The following NTRK3 variants were observed in gnomAD, a reference collection of about 807,000 sequenced individuals.
The protein encoded by NTRK3 is neurotrophic receptor tyrosine kinase 3.
Under a neutral mutation model 91.7 loss-of-function variants are expected in NTRK3, and 24 were observed. The observed-to-expected ratio is 0.26, with a 90% CI of 0.19 to 0.37. The LOEUF is 0.37. NTRK3 is among the 10% of genes least tolerant of loss of function. NTRK3 has a pLI of 1.00. For missense variants in NTRK3, 880 were observed against 1,068.9 expected (o/e 0.82, Z 2.46); for synonymous variants, 483 against 404.0 (o/e 1.20, Z -2.34).
intron 14 of NTRK3, among the ~76,000 whole-genome samples, chr15:88,015,883 G>A (rs983091753): frequency 1.3e-5 from 2 of 151,898 alleles, no homozygotes; most frequent in Non-Finnish European, 2.9e-5. Flanking sequence ...GCTCTACAGC[G>A]GCTCCAATGT....
At chr15:88,200,012 A>G (rs556273878) in intron 3 of NTRK3, among the ~76,000 whole-genome samples, 2 of 152,308 alleles carry the variant, frequency 1.3e-5, no homozygotes, top group South Asian at 2.1e-4. Context: ...TCCAACCCCA[A>G]TCAGCTCTCT....
chr15:88,194,694 T>G (rs1372442419), intron 3 of NTRK3, among the ~76,000 whole-genome samples: 2 of 152,220 alleles, frequency 1.3e-5, no homozygotes, highest in African/African-American at 4.8e-5. Context: ...AATTTAATCA[T>G]GCCCTCCACC....
At chr15:88,158,050 C>T (rs1020154694) in intron 5 of NTRK3, among the ~76,000 whole-genome samples, 2 of 152,188 alleles carry the variant, frequency 1.3e-5, no homozygotes, top group East Asian at 1.9e-4. Context: ...TGCCTCCATG[C>T]CCTGTGACTC....
intron 3 of NTRK3, among the ~76,000 whole-genome samples, chr15:88,249,919 G>A (rs999549931): frequency 2.0e-5 from 3 of 152,094 alleles, no homozygotes; most frequent in African/African-American, 4.8e-5. Context: ...ACACTCAGCC[G>A]CCCTTTGCAA....
At chr15:88,135,535 C>A in intron 9 of NTRK3, 138 bp from the exon 10 acceptor site, 1 of 986,842 alleles carries the variant, frequency 1.0e-6, no homozygotes, top group South Asian at 1.4e-5. Flanking sequence ...AGTCCCACCA[C>A]AATCCCAGCA....
chr15:87,906,652 T>A (rs1327823071), intron 17 of NTRK3, among the ~76,000 whole-genome samples: 1 of 152,198 alleles, frequency 6.6e-6, no homozygotes, highest in Admixed American at 6.5e-5. Context: ...TTTAGCTGAG[T>A]CATGAAAGCC....
intron 14 of NTRK3, among the ~76,000 whole-genome samples, chr15:87,959,292 A>C (rs1057384103): frequency 6.6e-6 from 1 of 152,016 alleles, no homozygotes; most frequent in Non-Finnish European, 1.5e-5. Context: ...TGTACCCAGC[A>C]CCTCCGCCAC....
chr15:88,123,509 A>G (rs1597442399), intron 13 of NTRK3, among the ~76,000 whole-genome samples: 1 of 152,264 alleles, frequency 6.6e-6, no homozygotes, highest in Non-Finnish European at 1.5e-5. Context: ...GTCAAAGAAA[A>G]GAGTCAAACT....
intron 17 of NTRK3, among the ~76,000 whole-genome samples, chr15:87,889,061 T>C (rs2065709522): frequency 6.6e-6 from 1 of 152,256 alleles, no homozygotes; most frequent in South Asian, 2.1e-4. Context: ...CTTAGCATCC[T>C]CCAGTGGGGT....
chr15:87,934,295 C>T (rs1282073745), intron 15 of NTRK3, among the ~76,000 whole-genome samples: 1 of 152,202 alleles, frequency 6.6e-6, no homozygotes, highest in Non-Finnish European at 1.5e-5. Flanking sequence ...TCAACTGACA[C>T]ACTTTAGCAA....
chr15:88,255,465 C>A lies in NTRK3; in HGVS notation c.248+441G>T, dbSNP rs1363272099. On this transcript the variant is annotated intron_variant, in intron 3 of 18. Transcript: ENST00000394480. This position sits in a 1 kb window ranked among gnomAD's most constrained non-coding sequence, Gnocchi z 4.3. Reference sequence around the variant, plus strand: ...AGTCCCTATCTGTCACCTTCCCTGCCGGCTAAGCGCTGCCGCCGCTGCCAC... The same window carrying A: ...AGTCCCTATCTGTCACCTTCCCTGCAGGCTAAGCGCTGCCGCCGCTGCCAC... Among the ~76,000 whole-genome samples the A allele has an allele frequency of 1.3e-5, 2 of 152,208 alleles. No homozygotes were observed. The highest frequency in any genetic ancestry group is 2.9e-5 in the Non-Finnish European group (2 of 68,028).
At chr15:88,183,207 T>C (rs1597815572) in intron 5 of NTRK3, among the ~76,000 whole-genome samples, 1 of 152,242 alleles carries the variant, frequency 6.6e-6, no homozygotes, top group East Asian at 1.9e-4. Context: ...CAGCCCCTGG[T>C]CCTAGATTTT....
chr15:88,183,649 G>A lies in NTRK3; in HGVS notation c.324-160C>T, dbSNP rs569581543. On this transcript the variant is annotated intron_variant, in intron 4 of 18. Coordinates refer to ENST00000394480, the Ensembl canonical transcript of NTRK3. The stretch of plus-strand genomic sequence containing the variant: ...CAGTTATCACAGGTGGCCTGCTGGG[G>A]TTGCTCAGTGGAGGCACCTGGGCTC... 1.4e-4 allele frequency among the ~76,000 whole-genome samples: 22 copies of A among 152,334 alleles called. No individual in the cohort carries two copies. In the South Asian group the frequency reaches 1.5e-3, roughly 10 times the overall value.
At chr15:87,898,845 A>AT (rs10646293) in intron 17 of NTRK3, among the ~76,000 whole-genome samples, 1 of 149,996 alleles carries the variant, frequency 6.7e-6, no homozygotes, top group African/African-American at 2.5e-5. Flanking sequence ...AAAAAAAAAA[A>AT]TACAAAAATT....
At chr15:87,909,564 G>T (rs2066965355) in intron 17 of NTRK3, among the ~76,000 whole-genome samples, 1 of 152,208 alleles carries the variant, frequency 6.6e-6, no homozygotes, top group Admixed American at 6.5e-5. Flanking sequence ...CAGAAAGAAA[G>T]AAGACGGAGA....
At chr15:88,154,159 C>A (rs1376661816) in intron 5 of NTRK3, among the ~76,000 whole-genome samples, 2 of 151,282 alleles carry the variant, frequency 1.3e-5, no homozygotes, top group Non-Finnish European at 2.9e-5. Flanking sequence ...AAACTAGCAG[C>A]CTACTGCCCA....
At chr15:87,866,767 T>C (rs1325344810) in exon 19 of NTRK3, 6 of 192,116 alleles carry the variant, frequency 3.1e-5, no homozygotes, top group African/African-American at 1.2e-4. Context: ...TAAACCTCTC[T>C]GGTGCCATCA....
At chr15:87,957,085 T>G (rs180914748) in intron 14 of NTRK3, among the ~76,000 whole-genome samples, 318 of 152,236 alleles carry the variant, frequency 2.1e-3, no homozygotes, top group African/African-American at 7.2e-3. Flanking sequence ...TGGGATCAAA[T>G]CCAGCCTACA....
chr15:88,255,830 G>T lies in NTRK3; in HGVS notation c.248+76C>A. On this transcript the variant is annotated intron_variant, in intron 3 of 18. Transcript: ENST00000394480. The surrounding 1 kb of genome is among the most constrained non-coding windows in gnomAD (Gnocchi z 4.3). ...GCGAGCTGGGGCGGGCGGAGGGCCG[G>T]CTCCCGGCCGCGGGTGGGCAGGAGG... The T allele has an allele frequency of 7.4e-7, 1 of 1,347,366 alleles. No homozygotes were observed. Among genetic ancestry groups the T allele is most frequent in the Non-Finnish European group, 9.8e-7 (1 of 1,020,576 alleles). The allele number at this position is 1,347,366 out of a possible 1,614,324, so 83.5% of individuals were successfully genotyped here. A position where few individuals can be genotyped will look rare whatever the true frequency, so the allele number is the denominator to read the frequency against.
Sources: gnomAD v4.1 joint callset for allele counts (sites outside exome capture counted in the v4.1 genomes callset) on GRCh38, gnomAD v4.1.1 for gene constraint, Gnocchi (gnomAD v3.1) non-coding constraint, MANE v1.5 for transcripts, NCBI Gene and HGNC (gene_info 2026-07-23, HGNC 2026-07-21) for gene names.